IGFL2: variants seen among roughly 807,000 people sequenced by gnomAD.
IGFL2 encodes IGF like family member 2, also known as insulin growth factor-like family member 2.
In IGFL2, 7 loss-of-function variants were observed where a neutral mutation model predicts 13.9. The ratio of observed to expected loss-of-function variants is 0.51; its 90% CI spans 0.29 to 0.95. The LOEUF (loss-of-function observed/expected upper bound fraction) is 0.95. Among genes scored for constraint, IGFL2 ranks in the 40% least tolerant of loss-of-function variants. The pLI is 0.08. For missense variants in IGFL2, 138 were observed against 147.8 expected (o/e 0.93, Z 0.34); for synonymous variants, 55 against 55.8 (o/e 0.99, Z 0.07).
At chr19:46,093,384 G>GA in the IGFL2 span, among the ~76,000 whole-genome samples, 1 of 152,150 alleles carries the variant, frequency 6.6e-6, no homozygotes, top group Non-Finnish European at 1.5e-5. Context: ...CAGAAAACTA[G>GA]AAATATCAGG....
the IGFL2 span, among the ~76,000 whole-genome samples, chr19:46,081,329 G>A: frequency 1.3e-5 from 2 of 152,206 alleles, no homozygotes; most frequent in African/African-American, 4.8e-5. Context: ...ACAGTATGGT[G>A]AATTTGTCTT....
intron 1 of IGFL2, among the ~76,000 whole-genome samples, chr19:46,154,086 T>G (rs1973672448): frequency 6.6e-6 from 1 of 152,082 alleles, no homozygotes; most frequent in African/African-American, 2.4e-5. Context: ...GAACATGTGT[T>G]GTTTGGTTTT....
chr19:46,121,394 GAAAA>G, the IGFL2 span, among the ~76,000 whole-genome samples: 1 of 124,414 alleles, frequency 8.0e-6, no homozygotes. Flanking sequence ...ATCCTGTCTT[GAAAA>G]AAAAAAAAAA....
chr19:46,129,347 G>GTGTC, the IGFL2 span, among the ~76,000 whole-genome samples: 8 of 148,224 alleles, frequency 5.4e-5, no homozygotes, highest in African/African-American at 2.0e-4. Flanking sequence ...GTGTGTGTGT[G>GTGTC]TGTGTCTCTG....
At chr19:46,093,927 A>G in the IGFL2 span, among the ~76,000 whole-genome samples, 1 of 152,180 alleles carries the variant, frequency 6.6e-6, no homozygotes, top group African/African-American at 2.4e-5. Flanking sequence ...AAAGATCTAA[A>G]TAAAAGGAGA....
the IGFL2 span, among the ~76,000 whole-genome samples, chr19:46,189,443 C>T: frequency 6.6e-6 from 1 of 152,146 alleles, no homozygotes; most frequent in African/African-American, 2.4e-5. Context: ...ATGTCAGGCC[C>T]TCCACAAGAG....
the IGFL2 span, among the ~76,000 whole-genome samples, chr19:46,096,606 G>A: frequency 0.015 from 2,216 of 152,066 alleles, 59 homozygotes; most frequent in African/African-American, 0.05. Context: ...GCCAGTTTTC[G>A]AAGGGAATAC....
chr19:46,104,860 A>G, the IGFL2 span, among the ~76,000 whole-genome samples: 34 of 152,316 alleles, frequency 2.2e-4, 1 homozygote, highest in African/African-American at 6.7e-4. Context: ...ACAGAATAGA[A>G]TGGGCCTGTG....
At chr19:46,102,446 T>C in the IGFL2 span, among the ~76,000 whole-genome samples, 3 of 151,972 alleles carry the variant, frequency 2.0e-5, no homozygotes, top group African/African-American at 4.8e-5. Context: ...CCTTCTTAAG[T>C]GTGGGGGAGA....
the IGFL2 span, among the ~76,000 whole-genome samples, chr19:46,090,997 G>C: frequency 6.6e-6 from 1 of 152,192 alleles, no homozygotes. Flanking sequence ...CTGGGGTTGA[G>C]TGAAGGGTAA....
chr19:46,160,514 T>C (rs1974099535), intron 2 of IGFL2, 46 bp downstream of exon 2: 1 of 1,612,902 alleles, frequency 6.2e-7, no homozygotes, highest in African/African-American at 1.3e-5. Flanking sequence ...AGGCTGACTT[T>C]GGAAAGTGGG....
chr19:46,143,650 C>T (rs1279343975), upstream of IGFL2, among the ~76,000 whole-genome samples: 1 of 152,164 alleles, frequency 6.6e-6, no homozygotes, highest in Non-Finnish European at 1.5e-5. Flanking sequence ...ACACATTGTT[C>T]AAGAGTCAAC....
the IGFL2 span, among the ~76,000 whole-genome samples, chr19:46,190,753 G>A: frequency 6.6e-6 from 1 of 152,202 alleles, no homozygotes; most frequent in Non-Finnish European, 1.5e-5. Flanking sequence ...CATGGGGGGT[G>A]GGGGTTGACT....
the IGFL2 span, among the ~76,000 whole-genome samples, chr19:46,176,343 A>G: frequency 2.0e-5 from 3 of 152,176 alleles, no homozygotes; most frequent in Non-Finnish European, 4.4e-5. Flanking sequence ...ACCAGGCAAG[A>G]GACAGGAAAC....
chr19:46,153,654 T>C (rs1283243682), intron 1 of IGFL2, among the ~76,000 whole-genome samples: 1 of 152,004 alleles, frequency 6.6e-6, no homozygotes, highest in Admixed American at 6.6e-5. Context: ...TTACAAGTTA[T>C]ATAATTGCTT....
the IGFL2 span, among the ~76,000 whole-genome samples, chr19:46,083,061 C>T: frequency 0.014 from 2,069 of 152,252 alleles, 32 homozygotes; most frequent in Middle Eastern, 0.027. Flanking sequence ...AAACCCTGGA[C>T]GCACGGTAGC....
the IGFL2 span, among the ~76,000 whole-genome samples, chr19:46,211,374 A>G: frequency 2.0e-5 from 3 of 152,284 alleles, no homozygotes; most frequent in African/African-American, 7.2e-5. Context: ...GCCTGGGGAA[A>G]CCCGGCCTTC....
chr19:46,091,820 T>C, the IGFL2 span, among the ~76,000 whole-genome samples: 1 of 152,226 alleles, frequency 6.6e-6, no homozygotes, highest in South Asian at 2.1e-4. Flanking sequence ...CTCAACAGTT[T>C]CAATGACAAA....
the IGFL2 span, among the ~76,000 whole-genome samples, chr19:46,083,030 G>A: frequency 0.013 from 2,051 of 152,328 alleles, 32 homozygotes; most frequent in Middle Eastern, 0.027. Context: ...ACTGTCCTAT[G>A]TGTTTAAATT....
Sources: gnomAD v4.1 joint callset for allele counts (sites outside exome capture counted in the v4.1 genomes callset) on GRCh38, gnomAD v4.1.1 for gene constraint, MANE v1.5 for transcripts, NCBI Gene and HGNC (gene_info 2026-07-23, HGNC 2026-07-21) for gene names.